ADAMTSL4: variants seen among roughly 807,000 people sequenced by gnomAD.
The protein encoded by ADAMTSL4 is ADAMTS-like protein 4.
A neutral mutation model predicts 122.8 loss-of-function variants in ADAMTSL4; 97 were observed. The observed-to-expected ratio is 0.79, with a 90% confidence interval of 0.67 to 0.93. The LOEUF (loss-of-function observed/expected upper bound fraction) is 0.93. Among genes scored for constraint, ADAMTSL4 ranks in the 40% least tolerant of loss-of-function variants. ADAMTSL4 has a pLI of 0.00. For synonymous variants in ADAMTSL4, 592 were observed against 568.0 expected (o/e 1.04, Z -0.60); for missense variants, 1,408 against 1,453.5 (o/e 0.97, Z 0.51).
chr1:150,550,625 AAG>A lies in ADAMTSL4; in HGVS notation c.-85+733_-85+734del, dbSNP rs1271973104. The A allele has an allele frequency of 5.7e-5, 23 of 403,532 alleles. 1 individual carries two copies. The highest frequency in any genetic ancestry group is 3.8e-4 in the South Asian group (22 of 58,310). 25.0% of individuals were successfully genotyped at this position (403,532 alleles called of 1,614,324 possible). ...TTCTTCTTCCCTCAGCTGGAGTAAC[AAG>A]AGTCAGGCAGAGCCTGAAGACTTGG... On this transcript the variant is annotated intron_variant, in intron 2 of 18. Coordinates refer to ENST00000271643, the MANE Select transcript of ADAMTSL4 (RefSeq NM_019032.6).
Position 150,552,630 on chromosome 1 carries a change from C to A in ADAMTSL4, c.78+30C>A, listed in dbSNP as rs1014232801. On this transcript the variant is annotated intron_variant, in intron 4 of 18. Coordinates refer to ENST00000271643, the MANE Select transcript of ADAMTSL4 (RefSeq NM_019032.6). The surrounding 1 kb of genome is among the most constrained non-coding windows in gnomAD (Gnocchi z 4.0). ...GTTCTGGACAAGTGAGCAGCTGCAG[C>A]CTGCCTGCCACCCTTTCATCTCCCC... 11 of 1,600,132 alleles carry A rather than the reference C, an allele frequency of 6.9e-6. No individual in the cohort carries two copies. In the African/African-American group the frequency reaches 1.3e-4, roughly 20 times the overall value.
chr1:150,551,268 C>T (rs1671380233), intron 2 of ADAMTSL4: 2 of 346,904 alleles, frequency 5.8e-6, no homozygotes, highest in Admixed American at 3.8e-5. Flanking sequence ...CTCACTGAAC[C>T]AACTCCAGAT....
rs1672618541 is a variant in ADAMTSL4, at chr1:150,560,041, T to C, written c.3089-19T>C. The C allele has an allele frequency of 6.2e-7, 1 of 1,613,980 alleles. No individual in the cohort carries two copies. The highest frequency in any genetic ancestry group is 1.3e-5 in the African/African-American group (1 of 74,930). On this transcript the variant is annotated intron_variant, in intron 18 of 18. Coordinates refer to ENST00000271643, the MANE Select transcript of ADAMTSL4 (RefSeq NM_019032.6). ...GTCCTGGTGACTCTCTTGTGCCCAC[T>C]GGCCTCCTCTGTCCCCAGATGATCA... is the stretch of plus-strand genomic sequence containing the variant.
chr1:150,558,911 T>C (rs1326376889), intron 15 of ADAMTSL4, 51 bp from the exon 16 acceptor site: 57 of 1,558,800 alleles, frequency 3.7e-5, no homozygotes, highest in Non-Finnish European at 4.8e-5. Context: ...TACTGTCCCT[T>C]GTGCCAGTCA....
chr1:150,560,216 C>T lies in ADAMTSL4; in HGVS notation c.*20C>T. Reference sequence around the variant, plus strand: ...TCCTGAAAGGGGTCCGGGGCACCTTCACGGTTTTCTGTGCCACCATCGGTC... The same window carrying T: ...TCCTGAAAGGGGTCCGGGGCACCTTTACGGTTTTCTGTGCCACCATCGGTC... On this transcript the variant is annotated 3_prime_UTR_variant, in exon 19 of 19. Transcript: ENST00000271643. 1 of 1,613,566 alleles carries T rather than the reference C, an allele frequency of 6.2e-7. No individual in the cohort carries two copies. The highest frequency in any genetic ancestry group is 8.5e-7 in the Non-Finnish European group (1 of 1,179,748).
rs1264869207 is a variant in ADAMTSL4, at chr1:150,553,479, C to A, written c.488C>A (p.Pro163His). The change falls in exon 6 of 19, where the codon CCC becomes CAC. Residue 163 changes from proline (P) to histidine (H), a missense_variant. Physicochemically the swap from Pro to His is moderately conservative, Grantham distance 77 (BLOSUM62 -2). Coordinates refer to ENST00000271643, the MANE Select transcript of ADAMTSL4 (RefSeq NM_019032.6). The stretch of plus-strand genomic sequence containing the variant: ...GGAATGTTCGGTTATGGGAGAGTGC[C>A]CTTTGCATTGCCACTGCACCGGAAC... ...KPGMFGYGRV[P>H]FALPLHRNRR... 6.2e-7 allele frequency: 1 copy of A among 1,613,900 alleles called. No homozygotes were observed. The highest frequency in any genetic ancestry group is 8.5e-7 in the Non-Finnish European group (1 of 1,179,964).
chr1:150,558,150 G>T lies in ADAMTSL4; in HGVS notation c.2382+1G>T. 1 of 1,613,436 alleles carries T rather than the reference G, an allele frequency of 6.2e-7. No homozygotes were observed. Among genetic ancestry groups the T allele is most frequent in the Non-Finnish European group, 8.5e-7 (1 of 1,180,022 alleles). ...GGAAGTTGGCTCTCCTTGGAGCCAG[G>T]TGAGTTTGCCCAGGCAAGGAGGTGC... On this transcript the variant is annotated splice_donor_variant, in intron 14 of 18. Transcript: ENST00000271643. LOFTEE classifies it high-confidence loss of function.
chr1:150,559,656 A>C lies in ADAMTSL4; in HGVS notation c.2944-105A>C. On this transcript the variant is annotated intron_variant, in intron 17 of 18. Transcript: ENST00000271643. The surrounding 1 kb of genome is among the most constrained non-coding windows in gnomAD (Gnocchi z 4.1). ...TCCATTTGGGATTTCACAATGTCCT[A>C]GGAGGGTCCCCACCACCACCTTTTG... 6.3e-7 allele frequency: 1 copy of C among 1,595,490 alleles called. No individual in the cohort carries two copies. Among genetic ancestry groups the C allele is most frequent in the Non-Finnish European group, 8.5e-7 (1 of 1,169,914 alleles).
chr1:150,552,229 C>T lies in ADAMTSL4; in HGVS notation c.-60C>T. 6.5e-7 allele frequency: 1 copy of T among 1,531,556 alleles called. No homozygotes were observed. Among genetic ancestry groups the T allele is most frequent in the Admixed American group, 2.0e-5 (1 of 50,716 alleles). 94.9% of individuals were successfully genotyped at this position (1,531,556 alleles called of 1,614,324 possible). A position where few individuals can be genotyped will look rare whatever the true frequency, so the allele number is the denominator to read the frequency against. On this transcript the variant is annotated 5_prime_UTR_variant, in exon 3 of 19. Coordinates refer to ENST00000271643, the MANE Select transcript of ADAMTSL4 (RefSeq NM_019032.6). The surrounding 1 kb of genome is among the most constrained non-coding windows in gnomAD (Gnocchi z 4.0). ...GAGAGCACCCTCCACGCCCAGATGC[C>T]TGCGTAGTTTTTGTGACCAGTCCGC...
At position 150,558,844 on chromosome 1, in the gene ADAMTSL4, G is replaced by C. The variant is rs144832337; in HGVS notation, c.2560-118G>C. 7 of 1,537,934 alleles carry C rather than the reference G, an allele frequency of 4.6e-6. No homozygotes were observed. The East Asian group carries it at 7.3e-5, about 16-fold the overall frequency. The stretch of plus-strand genomic sequence containing the variant: ...GATTCCTCGTCCGGGCCTGGTACCC[G>C]GGGACATTCCCAACCACCCAGGATT... On this transcript the variant is annotated intron_variant, in intron 15 of 18. Coordinates refer to ENST00000271643, the MANE Select transcript of ADAMTSL4 (RefSeq NM_019032.6).
At position 150,559,249 on chromosome 1, in the gene ADAMTSL4, T is replaced by TC. The variant is rs1672543732; in HGVS notation, c.2764-34dup. ...TGGGCACTTGGGGTGCTCTCTGTCC[T>TC]CCCCTCCCCTCATCACCCTGCCCTC... On this transcript the variant is annotated intron_variant, in intron 16 of 18. Transcript: ENST00000271643. The surrounding 1 kb of genome is among the most constrained non-coding windows in gnomAD (Gnocchi z 4.1). The TC allele has an allele frequency of 6.2e-7, 1 of 1,613,012 alleles. No individual in the cohort carries two copies.
At position 150,552,622 on chromosome 1, in the gene ADAMTSL4, A is replaced by G; in HGVS notation, c.78+22A>G. ...GGAGGTGAGTTCTGGACAAGTGAGC[A>G]GCTGCAGCCTGCCTGCCACCCTTTC... On this transcript the variant is annotated intron_variant, in intron 4 of 18. Transcript: ENST00000271643. This position sits in a 1 kb window ranked among gnomAD's most constrained non-coding sequence, Gnocchi z 4.0. 2 of 1,607,678 alleles carry G rather than the reference A, an allele frequency of 1.2e-6. No individual in the cohort carries two copies. The highest frequency in any genetic ancestry group is 1.7e-6 in the Non-Finnish European group (2 of 1,177,488).
chr1:150,553,052 T>A lies in ADAMTSL4; in HGVS notation c.233T>A (p.Leu78His). Residue 78 changes from leucine (L) to histidine (H), a missense_variant, in exon 5 of 19, where the codon CTC (leucine) becomes CAC (histidine). By Grantham distance (99) the Leu-to-His change is moderately conservative. Transcript: ENST00000271643. Reference sequence around the variant, plus strand: ...ACATGTCAGCTCCCTACAGTGCAGCTCCACCCGAGTCTGCCCCTCCCTCCC... The same window carrying A: ...ACATGTCAGCTCCCTACAGTGCAGCACCACCCGAGTCTGCCCCTCCCTCCC... ...SRTCQLPTVQ[L>H]HPSLPLPPRP... is the part of the protein sequence containing the mutation. 1 of 1,613,222 alleles carries A rather than the reference T, an allele frequency of 6.2e-7. No individual in the cohort carries two copies. The highest frequency in any genetic ancestry group is 1.3e-5 in the African/African-American group (1 of 74,902).
chr1:150,555,905 A>G (rs1672056767), intron 8 of ADAMTSL4: 1 of 607,848 alleles, frequency 1.6e-6, no homozygotes, highest in African/African-American at 1.8e-5. Flanking sequence ...GCACAGTCTC[A>G]ATTCAACAAC....
intron 2 of ADAMTSL4, chr1:150,551,926 G>T: frequency 3.4e-6 from 1 of 296,942 alleles, no homozygotes; most frequent in Non-Finnish European, 6.2e-6. Context: ...GTGTGCCTGA[G>T]CCGGCTTAGA....
In ADAMTSL4 at chr1:150,553,141, C is replaced by G. The variant is rs1185123323; in HGVS notation, c.322C>G (p.Pro108Ala). The G allele has an allele frequency of 6.2e-7, 1 of 1,612,922 alleles. No individual in the cohort carries two copies. Among genetic ancestry groups the G allele is most frequent in the African/African-American group, 1.3e-5 (1 of 74,834 alleles). Residue 108 changes from proline (P) to alanine (A), a missense_variant, in exon 5 of 19, where the codon CCA becomes GCA. By Grantham distance (27) the Pro-to-Ala change is conservative. Transcript: ENST00000271643. The part of the protein sequence containing the change: ...RGQGPRPQTS[P>A]ETLPLYRTQS... Reference sequence around the variant, plus strand: ...CCAGGGTCCCAGACCCCAGACTTCTCCAGAAACCCTCCCCTTGTACAGGAC... The same window carrying G: ...CCAGGGTCCCAGACCCCAGACTTCTGCAGAAACCCTCCCCTTGTACAGGAC...
At chr1:150,550,141 G>T (rs1348182534) in intron 2 of ADAMTSL4, 1 of 442,726 alleles carries the variant, frequency 2.3e-6, no homozygotes, top group African/African-American at 2.0e-5. Flanking sequence ...TCACTGGGCA[G>T]TGTGGAGAGG....
chr1:150,559,513 A>C lies in ADAMTSL4; in HGVS notation c.2943+47A>C, dbSNP rs765245317. ...CCTGCCCTGCTCAGCCTGGGCCCCT[A>C]GGGGAGGGGAGCTCCTCTCGCTGTA... is the stretch of plus-strand genomic sequence containing the variant. On this transcript the variant is annotated intron_variant, in intron 17 of 18. Transcript: ENST00000271643. The surrounding 1 kb of genome is among the most constrained non-coding windows in gnomAD (Gnocchi z 4.1). 1.5e-4 allele frequency: 240 copies of C among 1,608,986 alleles called. 4 individuals are homozygous for C. In the South Asian group the frequency reaches 2.4e-3, roughly 16 times the overall value.
At position 150,557,616 on chromosome 1, in the gene ADAMTSL4, C is replaced by T. The variant is rs1672307186; in HGVS notation, c.2170C>T (p.Pro724Ser). ...TGAACCCTGCCACGGCACCCCATGC[C>T]CCCCATAGTGAGTATGGGGGAGCCC... ...SPEPCHGTPC[P>S]PYWEAGEWTS... Residue 724 changes from proline (P) to serine (S), a missense_variant, in exon 13 of 19, where the codon CCC becomes TCC. Pro to Ser is a moderately conservative substitution (Grantham distance 74). Transcript: ENST00000271643. The T allele has an allele frequency of 1.2e-6, 2 of 1,600,504 alleles. No homozygotes were observed. Among genetic ancestry groups the T allele is most frequent in the Non-Finnish European group, 1.7e-6 (2 of 1,173,906 alleles).
Sources: gnomAD v4.1 joint callset for allele counts on GRCh38, gnomAD v4.1.1 for gene constraint, Gnocchi (gnomAD v3.1) non-coding constraint, MANE v1.5 for transcripts, NCBI Gene and HGNC (gene_info 2026-07-23, HGNC 2026-07-21) for gene names.